The following MYLK variants were observed in gnomAD, a reference collection of about 807,000 sequenced individuals.
MYLK encodes the protein myosin light chain kinase, smooth muscle.
A neutral mutation model predicts 203.4 loss-of-function variants in MYLK; 106 were observed. The observed-to-expected ratio is 0.52, with a 90% confidence interval of 0.45 to 0.61. MYLK has a LOEUF of 0.61. MYLK is among the 20% of genes least tolerant of loss of function. The pLI, the probability that MYLK is intolerant of heterozygous loss-of-function variation, is 0.00. For missense variants in MYLK, 2,072 were observed against 2,442.3 expected, an observed-to-expected ratio of 0.85 and a Z score of 3.20; for synonymous variants, 867 against 959.5, an observed-to-expected ratio of 0.90 and a Z score of 1.78.
chr3:123,867,100 G>C (rs944314184), intron 2 of MYLK, among the ~76,000 whole-genome samples: 1 of 152,046 alleles, frequency 6.6e-6, no homozygotes, highest in Admixed American at 6.6e-5. Context: ...GTGGGGCTGG[G>C]GAGGCCAAGA....
chr3:123,804,877 TTC>T (rs1481504440), intron 3 of MYLK, among the ~76,000 whole-genome samples: 2 of 152,264 alleles, frequency 1.3e-5, no homozygotes, highest in Admixed American at 6.5e-5. Context: ...AGGAAGGCGC[TTC>T]TGTGTGTGTC....
chr3:123,820,673 T>TC, intron 3 of MYLK, among the ~76,000 whole-genome samples: 1 of 150,532 alleles, frequency 6.6e-6, no homozygotes, highest in African/African-American at 2.4e-5. Context: ...CCTCCTTCCT[T>TC]CCTTCCTTCC....
intron 10 of MYLK, 25 bp downstream of exon 10, chr3:123,733,662 G>A (rs372473112): frequency 9.1e-5 from 147 of 1,612,724 alleles, no homozygotes; most frequent in Middle Eastern, 4.9e-4. Context: ...TTTGGCAATC[G>A]GTGACCCTAA....
intron 12 of MYLK, 56 bp downstream of exon 12, chr3:123,725,888 G>A: frequency 6.3e-7 from 1 of 1,590,248 alleles, no homozygotes; most frequent in South Asian, 1.1e-5. Context: ...GAGAATTCAG[G>A]CAGCGCCAAA....
At chr3:123,673,540 C>G (rs1349542903) in intron 20 of MYLK, among the ~76,000 whole-genome samples, 1 of 152,092 alleles carries the variant, frequency 6.6e-6, no homozygotes, top group African/African-American at 2.4e-5. Flanking sequence ...CCCTGTTGGT[C>G]AGTTCAGCCT....
chr3:123,824,246 T>C (rs191804517), intron 3 of MYLK, among the ~76,000 whole-genome samples: 142 of 152,236 alleles, frequency 9.3e-4, no homozygotes, highest in South Asian at 1.5e-3. Context: ...TACACCATCA[T>C]GTCCAGCTAA....
At position 123,735,428 on chromosome 3, in the gene MYLK, G is replaced by A. The variant is rs138877679; in HGVS notation, c.755-12C>T. On this transcript the variant is annotated splice_polypyrimidine_tract_variant and intron_variant, in intron 8 of 33. Coordinates refer to ENST00000360304, the MANE Select transcript of MYLK (RefSeq NM_053025.4). ...GGCACTGTCCAAACCTGGAAAAAGG[G>A]GGAAGGGTGGAAAGACTGTTAGTAG... 2,303 of 1,614,072 alleles carry A rather than the reference G, an allele frequency of 1.4e-3. 10 individuals are homozygous for A. Among genetic ancestry groups the A allele is most frequent in the Middle Eastern group, 7.6e-3 (46 of 6,062 alleles).
intron 8 of MYLK, 48 bp downstream of exon 8, chr3:123,737,330 C>G: frequency 2.5e-6 from 4 of 1,612,556 alleles, no homozygotes; most frequent in Non-Finnish European, 3.4e-6. Context: ...TAGGAGGGTG[C>G]GGCACCAGGC....
chr3:123,657,078 A>G (rs1447117313), intron 24 of MYLK, 48 bp downstream of exon 24: 1 of 1,598,340 alleles, frequency 6.3e-7, no homozygotes, highest in Admixed American at 1.7e-5. Flanking sequence ...ACACAAGGTC[A>G]GTCACGCACA....
At chr3:123,752,672 A>G (rs1466936325) in intron 4 of MYLK, 134 bp from the exon 5 acceptor site, 2 of 972,948 alleles carry the variant, frequency 2.1e-6, no homozygotes, top group East Asian at 2.6e-5. Context: ...CTCATTTTAC[A>G]GATAAGGAAA....
intron 20 of MYLK, among the ~76,000 whole-genome samples, chr3:123,680,018 G>T (rs1332204839): frequency 6.6e-6 from 1 of 152,150 alleles, no homozygotes; most frequent in East Asian, 1.9e-4. Context: ...ACTGAGGCCT[G>T]GCACCCACCC....
At chr3:123,632,753 TTGGGG>T (rs2058488187) in intron 29 of MYLK, among the ~76,000 whole-genome samples, 1 of 152,106 alleles carries the variant, frequency 6.6e-6, no homozygotes, top group African/African-American at 2.4e-5. Context: ...AAAAACCTTT[TTGGGG>T]AACTTTTTCT....
chr3:123,840,960 A>C (rs1021163405), intron 2 of MYLK, among the ~76,000 whole-genome samples: 1 of 152,138 alleles, frequency 6.6e-6, no homozygotes, highest in Non-Finnish European at 1.5e-5. Flanking sequence ...CTTATGAGAC[A>C]GGTCTCAGGT....
chr3:123,704,707 T>A (rs1369410252), intron 16 of MYLK, among the ~76,000 whole-genome samples: 1 of 137,190 alleles, frequency 7.3e-6, no homozygotes, highest in African/African-American at 2.8e-5. Flanking sequence ...ATTGAGACCA[T>A]CCTGGCTAAC....
At chr3:123,763,320 C>T (rs2063594472) in intron 4 of MYLK, among the ~76,000 whole-genome samples, 1 of 152,134 alleles carries the variant, frequency 6.6e-6, no homozygotes, top group Non-Finnish European at 1.5e-5. Context: ...TTTTGTCATC[C>T]TCCTCTAATC....
rs1238394544 is a variant in MYLK, at chr3:123,725,977, TC to T, written c.1617del (p.Thr540ProfsTer10). 1 of 1,613,710 alleles carries T rather than the reference TC, an allele frequency of 6.2e-7. No individual in the cohort carries two copies. Among genetic ancestry groups the T allele is most frequent in the East Asian group, 2.2e-5 (1 of 44,866 alleles). On this transcript the variant is annotated frameshift_variant, in exon 12 of 34. Coordinates refer to ENST00000360304, the MANE Select transcript of MYLK (RefSeq NM_053025.4). LOFTEE classifies it high-confidence loss of function. ...AGCCAAGTGATCCGGGGCACTGGGG[TC>T]CCCCGTACGGAGCACTGCAGCACAA... is the stretch of plus-strand genomic sequence containing the variant. ...QDFVLQCSVR[G>X]TPVPRITWLL... is the part of the protein sequence containing the mutation.
At chr3:123,780,848 T>C (rs2064269782) in intron 4 of MYLK, among the ~76,000 whole-genome samples, 1 of 152,124 alleles carries the variant, frequency 6.6e-6, no homozygotes, top group South Asian at 2.1e-4. Flanking sequence ...AATAAGAGAT[T>C]GTCTAGAGGC....
rs573705048 is a variant in MYLK, at chr3:123,648,531, G to A, written c.4415+440C>T. 1.3e-5 allele frequency among the ~76,000 whole-genome samples: 2 copies of A among 152,072 alleles called. No homozygotes were observed. Among genetic ancestry groups the A allele is most frequent in the Non-Finnish European group, 2.9e-5 (2 of 68,016 alleles). ...TACATGTGCAGGATGTGTACGTTACGTAGGTAAACGTGTGCCATGGTGGTT... is the reference window on the plus strand; with the variant it reads ...TACATGTGCAGGATGTGTACGTTACATAGGTAAACGTGTGCCATGGTGGTT... On this transcript the variant is annotated intron_variant, in intron 26 of 33. Transcript: ENST00000360304. This position sits in a 1 kb window ranked among gnomAD's most constrained non-coding sequence, Gnocchi z 4.5.
intron 11 of MYLK, among the ~76,000 whole-genome samples, chr3:123,726,700 C>T (rs1176969055): frequency 6.6e-6 from 1 of 152,122 alleles, no homozygotes. Flanking sequence ...TAATGATGCC[C>T]TTGTGTGGTT....
Sources: allele counts gnomAD v4.1 joint callset (sites outside exome capture counted in the v4.1 genomes callset), GRCh38; gene constraint gnomAD v4.1.1; non-coding constraint Gnocchi (gnomAD v3.1); transcripts MANE v1.5; gene names NCBI Gene and HGNC (gene_info 2026-07-23, HGNC 2026-07-21).